The following TOPAZ1 variants were observed in gnomAD, a reference collection of about 807,000 sequenced individuals.
TOPAZ1 encodes the protein testis and ovary specific TOPAZ 1, also known as protein TOPAZ1.
A neutral mutation model predicts 172.2 loss-of-function variants in TOPAZ1; 66 were observed. The ratio of observed to expected loss-of-function variants is 0.38; its 90% CI spans 0.31 to 0.47. TOPAZ1 has a LOEUF of 0.47. Ranked by LOEUF, TOPAZ1 falls within the 20% of genes least tolerant of loss-of-function variation. TOPAZ1 has a pLI of 0.99. For missense variants in TOPAZ1, 1,822 were observed against 1,972.4 expected (o/e 0.92, Z 1.44); for synonymous variants, 681 against 683.9 (o/e 1.00, Z 0.07).
chr3:44,272,445 GAT>G (rs1162485540), intron 8 of TOPAZ1, among the ~76,000 whole-genome samples: 1 of 152,186 alleles, frequency 6.6e-6, no homozygotes, highest in Non-Finnish European at 1.5e-5. Flanking sequence ...CATTCTGACA[GAT>G]GTCAGGTAAT....
intron 4 of TOPAZ1, 121 bp downstream of exon 4, chr3:44,256,399 C>T (rs1699703971): frequency 2.6e-5 from 23 of 899,356 alleles, no homozygotes; most frequent in South Asian, 5.9e-5. Flanking sequence ...AAAAGAATCA[C>T]GTCACTCTAG....
At chr3:44,310,992 G>A (rs932285894) in intron 16 of TOPAZ1, among the ~76,000 whole-genome samples, 1 of 152,226 alleles carries the variant, frequency 6.6e-6, no homozygotes, top group African/African-American at 2.4e-5. Flanking sequence ...GGACCATCAG[G>A]CAGATTTTAT....
In TOPAZ1 at chr3:44,309,825, G is replaced by A. The variant is rs1344779217; in HGVS notation, c.4141G>A (p.Gly1381Arg). ...TTAGTGTTCTTTATTTTTATTCTAG[G>A]GAAGGAAGGTCTTAGAGAAACTATA... ...FYHKLLQWSK[G>R]RKVLEKLYEL... Residue 1381 changes from glycine to arginine, a missense_variant and splice_region_variant, in exon 16 of 20, where the codon GGA becomes AGA. Around this residue, in one of 2 missense-constraint regions of TOPAZ1, gnomAD observed 333 missense variants for 481.7 expected, o/e 0.69. Transcript: ENST00000309765. The A allele has an allele frequency of 6.7e-7, 1 of 1,493,790 alleles. No individual in the cohort carries two copies. The highest frequency in any genetic ancestry group is 1.3e-5 in the South Asian group (1 of 77,944). The allele number at this position is 1,493,790 out of a possible 1,614,324, so 92.5% of individuals were successfully genotyped here. A position where few individuals can be genotyped will look rare whatever the true frequency, so the allele number is the denominator to read the frequency against.
chr3:44,319,975 T>G (rs1700491477), intron 16 of TOPAZ1, among the ~76,000 whole-genome samples: 1 of 152,250 alleles, frequency 6.6e-6, no homozygotes. Flanking sequence ...TAGTAATGTT[T>G]CACTATGTGT....
intron 2 of TOPAZ1, among the ~76,000 whole-genome samples, chr3:44,251,029 A>C (rs1198948900): frequency 1.3e-5 from 2 of 152,342 alleles, no homozygotes; most frequent in Middle Eastern, 3.4e-3. Flanking sequence ...AGTCCTATCC[A>C]GAAACAGAAT....
intron 9 of TOPAZ1, among the ~76,000 whole-genome samples, chr3:44,284,125 C>T (rs573849211): frequency 0.016 from 2,412 of 152,080 alleles, 32 homozygotes; most frequent in Non-Finnish European, 0.026. Context: ...ATAAAATATA[C>T]ATAAAATTTA....
chr3:44,290,813 T>C lies in TOPAZ1; in HGVS notation c.3724T>C (p.Tyr1242His), dbSNP rs1575723224. The change falls in exon 12 of 20, where the codon TAT becomes CAT. Residue 1242 changes from tyrosine (Y) to histidine (H), a missense_variant. Tyr to His is a moderately conservative substitution (Grantham distance 83). This residue lies in a region of TOPAZ1 where 1,489 missense variants were observed against 1,490.8 expected (regional missense o/e 1.00). Transcript: ENST00000309765. ...GMVLDPEHFN[Y>H]IVKLLYQVQA... is the part of the protein sequence containing the mutation. ...GGTGCTTGACCCAGAGCACTTTAAC[T>C]ATATTGTTAAGCTTTTATACCAAGT... 1 of 1,550,436 alleles carries C rather than the reference T, an allele frequency of 6.4e-7. No homozygotes were observed. Among genetic ancestry groups the C allele is most frequent in the Non-Finnish European group, 8.7e-7 (1 of 1,146,628 alleles).
Position 44,305,393 on chromosome 3 carries a change from A to G in TOPAZ1, c.4039+72A>G, listed in dbSNP as rs1050288954. The G allele has an allele frequency of 3.0e-6, 4 of 1,313,812 alleles. No individual in the cohort carries two copies. In the Admixed American group the frequency reaches 9.6e-5, roughly 31 times the overall value. The allele number at this position is 1,313,812 out of a possible 1,614,324, so 81.4% of individuals were successfully genotyped here. ...GTTTTCTTTTTTGTTTTTTAGAGACAGGGTCTTCCTTTGTTACCCAGGCTG... is the reference window on the plus strand; with the variant it reads ...GTTTTCTTTTTTGTTTTTTAGAGACGGGGTCTTCCTTTGTTACCCAGGCTG... On this transcript the variant is annotated intron_variant, in intron 14 of 19. Transcript: ENST00000309765.
chr3:44,263,369 C>T (rs987619509), intron 5 of TOPAZ1, among the ~76,000 whole-genome samples: 2 of 152,192 alleles, frequency 1.3e-5, no homozygotes, highest in African/African-American at 2.4e-5. Flanking sequence ...CAACTTGACT[C>T]TAGCATAGCG....
intron 18 of TOPAZ1, among the ~76,000 whole-genome samples, chr3:44,327,444 T>A (rs989971179): frequency 6.6e-6 from 1 of 152,220 alleles, no homozygotes; most frequent in African/African-American, 2.4e-5. Flanking sequence ...AATTTAAAAG[T>A]TAAATCTCTT....
At position 44,328,315 on chromosome 3, in the gene TOPAZ1, C is replaced by G; in HGVS notation, c.4741C>G (p.Pro1581Ala). Residue 1581 changes from proline to alanine, a missense_variant, in exon 19 of 20, where the codon CCA becomes GCA. This residue lies in a region of TOPAZ1 where 333 missense variants were observed against 481.7 expected (regional missense o/e 0.69). Coordinates refer to ENST00000309765, the MANE Select transcript of TOPAZ1 (RefSeq NM_001145030.2). ...TTTATACCGAAAACTTCTTCTAATT[C>G]CATCTTATTTATCTGAGATTGAAAT... ...GNLYRKLLLI[P>A]SYLSEIEMLL... The G allele has an allele frequency of 6.6e-7, 1 of 1,516,650 alleles. No individual in the cohort carries two copies. Among genetic ancestry groups the G allele is most frequent in the Non-Finnish European group, 8.8e-7 (1 of 1,133,750 alleles). 93.9% of individuals were successfully genotyped at this position (1,516,650 alleles called of 1,614,324 possible). A position where few individuals can be genotyped will look rare whatever the true frequency, so the allele number is the denominator to read the frequency against.
In TOPAZ1 at chr3:44,287,814, C is replaced by A; in HGVS notation, c.3656C>A (p.Pro1219His). The A allele has an allele frequency of 6.8e-7, 1 of 1,472,792 alleles. No individual in the cohort carries two copies. The highest frequency in any genetic ancestry group is 9.2e-7 in the Non-Finnish European group (1 of 1,088,096). 91.2% of individuals were successfully genotyped at this position (1,472,792 alleles called of 1,614,324 possible). The stretch of plus-strand genomic sequence containing the variant: ...ACTATGAAATTAAGGAATGCTGTAC[C>A]TGCTTTAATTGATATCTTTTGCAAG... ...VATMKLRNAV[P>H]ALIDIFCKLV... Residue 1219 changes from proline (P) to histidine (H), a missense_variant, in exon 11 of 20, where the codon CCT (proline) becomes CAT (histidine). Transcript: ENST00000309765.
chr3:44,326,712 C>T (rs995166567), intron 18 of TOPAZ1, among the ~76,000 whole-genome samples: 2 of 152,142 alleles, frequency 1.3e-5, no homozygotes, highest in African/African-American at 4.8e-5. Flanking sequence ...CTTTCTCACG[C>T]TCCTGATTTG....
At chr3:44,297,152 C>T (rs527420221) in intron 12 of TOPAZ1, among the ~76,000 whole-genome samples, 1 of 147,864 alleles carries the variant, frequency 6.8e-6, no homozygotes, top group South Asian at 2.1e-4. Flanking sequence ...GCCTGGACAA[C>T]GAGTGAAAGT....
At chr3:44,266,899 AAAATTTTTTTAAAAAGAAATATCTGAT>A (rs2125684959) in intron 5 of TOPAZ1, 71 bp from the exon 6 acceptor site, 1 of 955,672 alleles carries the variant, frequency 1.0e-6, no homozygotes, top group South Asian at 3.2e-5. Context: ...ATAAAAATAA[AAAATTTTTTTAAAAAGAAATATCTGAT>A]ATCTGCAAAG....
rs1252898076 is a variant in TOPAZ1 at position 44,245,229 on chromosome 3, A to G, written c.2723A>G (p.Tyr908Cys). 1 of 1,544,644 alleles carries G rather than the reference A, an allele frequency of 6.5e-7. No individual in the cohort carries two copies. Among genetic ancestry groups the G allele is most frequent in the Non-Finnish European group, 8.7e-7 (1 of 1,145,006 alleles). ...GAGCACCAATCAACAGACTCCAAGTACATGGAAACTCCAGTAAAAAAAGAA... is the reference window on the plus strand; with the variant it reads ...GAGCACCAATCAACAGACTCCAAGTGCATGGAAACTCCAGTAAAAAAAGAA... ...AGEHQSTDSK[Y>C]METPVKKEPS... The change falls in exon 2 of 20, where the codon TAC (tyrosine) becomes TGC (cysteine). Residue 908 changes from tyrosine (Y) to cysteine (C), a missense_variant. Transcript: ENST00000309765.
intron 7 of TOPAZ1, 39 bp downstream of exon 7, chr3:44,269,340 T>C: frequency 8.0e-7 from 1 of 1,251,380 alleles, no homozygotes; most frequent in Non-Finnish European, 1.1e-6. Flanking sequence ...TCTGTCTCTT[T>C]CTCCTCCCCC....
chr3:44,247,435 G>T (rs1054894029), intron 2 of TOPAZ1, among the ~76,000 whole-genome samples: 1 of 152,104 alleles, frequency 6.6e-6, no homozygotes, highest in Non-Finnish European at 1.5e-5. Flanking sequence ...AGCAGTGTTT[G>T]CTTTCTTAAT....
At chr3:44,326,228 T>C (rs1046420490) in intron 18 of TOPAZ1, among the ~76,000 whole-genome samples, 114 of 152,214 alleles carry the variant, frequency 7.5e-4, no homozygotes, top group Non-Finnish European at 2.8e-4. Flanking sequence ...TGCCAAACTG[T>C]TTCCTGAAGA....
Sources: allele counts gnomAD v4.1 joint callset (sites outside exome capture counted in the v4.1 genomes callset), GRCh38; gene constraint gnomAD v4.1.1; regional missense constraint gnomAD v4.1.1; transcripts MANE v1.5; gene names NCBI Gene and HGNC (gene_info 2026-07-23, HGNC 2026-07-21).